FGF8: variants seen among roughly 807,000 people sequenced by gnomAD.
The protein encoded by FGF8 is androgen-induced growth factor.
FGF8 carries 12 observed loss-of-function variants against 29.7 expected under a neutral mutation model. The ratio of observed to expected loss-of-function variants is 0.40; its 90% CI spans 0.26 to 0.65. The LOEUF is 0.65. FGF8 is among the 30% of genes least tolerant of loss of function. The pLI, the probability that FGF8 is intolerant of heterozygous loss-of-function variation, is 0.37. For missense variants in FGF8, 271 were observed against 345.1 expected (o/e 0.79, Z 1.70); for synonymous variants, 157 against 144.4 (o/e 1.09, Z -0.63).
chr10:101,776,624 C>T (rs1158263238), upstream of FGF8, among the ~76,000 whole-genome samples: 1 of 152,002 alleles, frequency 6.6e-6, no homozygotes. Flanking sequence ...CTGTGTGTCC[C>T]GCCGGGCCCC....
intron 5 of FGF8, 24 bp from the exon 6 acceptor site, chr10:101,770,643 C>G: frequency 6.2e-7 from 1 of 1,604,260 alleles, no homozygotes; most frequent in Non-Finnish European, 8.5e-7. Context: ...AGCCAGACAC[C>G]ACGTTACAGA....
upstream of FGF8, among the ~76,000 whole-genome samples, chr10:101,777,993 C>T (rs973762043): frequency 1.3e-5 from 2 of 152,318 alleles, no homozygotes; most frequent in African/African-American, 4.8e-5. Context: ...CACAAGTGGC[C>T]ACAGCCCAGG....
upstream of FGF8, among the ~76,000 whole-genome samples, chr10:101,780,006 C>T (rs2065130287): frequency 6.6e-6 from 1 of 152,250 alleles, no homozygotes; most frequent in African/African-American, 2.4e-5. Context: ...CGCCCGGAGC[C>T]TCTAGAGGCC....
upstream of FGF8, among the ~76,000 whole-genome samples, chr10:101,776,563 C>T (rs2065097829): frequency 6.6e-6 from 1 of 151,998 alleles, no homozygotes; most frequent in South Asian, 2.1e-4. Context: ...TCTCCGCCTC[C>T]GGGCCCAGCC....
chr10:101,779,984 C>T (rs1162708227), upstream of FGF8, among the ~76,000 whole-genome samples: 1 of 152,222 alleles, frequency 6.6e-6, no homozygotes, highest in African/African-American at 2.4e-5. This position sits in a 1 kb window ranked among gnomAD's most constrained non-coding sequence, Gnocchi z 5.7. Context: ...GAGGCCCCGG[C>T]CCCACGGCGC....
At chr10:101,774,318 C>A (rs2065060570) in intron 4 of FGF8, among the ~76,000 whole-genome samples, 1 of 152,200 alleles carries the variant, frequency 6.6e-6, no homozygotes, top group Non-Finnish European at 1.5e-5. Flanking sequence ...GGGTTCCCAG[C>A]AACCTCCTTT....
upstream of FGF8, among the ~76,000 whole-genome samples, chr10:101,778,996 AACACAAACACACACACGCACAG>A (rs2065118678): frequency 1.3e-5 from 2 of 152,100 alleles, no homozygotes; most frequent in African/African-American, 2.4e-5. Flanking sequence ...ACACTCCGCA[AACACAAACACACACACGCACAG>A]ACACAAACTC....
chr10:101,779,320 C>T (rs2065124043), upstream of FGF8, among the ~76,000 whole-genome samples: 1 of 152,256 alleles, frequency 6.6e-6, no homozygotes, highest in South Asian at 2.1e-4. This position sits in a 1 kb window ranked among gnomAD's most constrained non-coding sequence, Gnocchi z 5.7. Flanking sequence ...AGTCGTCTCC[C>T]TCGGCCCCCA....
At chr10:101,777,925 T>TG (rs3218224), upstream of FGF8, among the ~76,000 whole-genome samples, 8,269 of 152,302 alleles carry the variant, frequency 0.054, 238 homozygotes, top group Middle Eastern at 0.1. Flanking sequence ...TGGCAGGCAC[T>TG]GTCTCCTCTA....
chr10:101,771,707 C>G lies in FGF8; in HGVS notation c.338-138G>C. 2.7e-6 allele frequency: 2 copies of G among 731,820 alleles called. No individual in the cohort carries two copies. The highest frequency in any genetic ancestry group is 4.9e-6 in the Non-Finnish European group (2 of 410,534). The allele number at this position is 731,820 out of a possible 1,614,324, so 45.3% of individuals were successfully genotyped here. A position where few individuals can be genotyped will look rare whatever the true frequency, so the allele number is the denominator to read the frequency against. ...ACTCCAGCTCCAGCCCAGCTACTAA[C>G]ATGCTGTGCAACCCAGAGAAAGGGC... On this transcript the variant is annotated intron_variant, in intron 4 of 5. Transcript: ENST00000320185. This position sits in a 1 kb window ranked among gnomAD's most constrained non-coding sequence, Gnocchi z 5.3.
Position 101,770,140 on chromosome 10 carries a change from T to C in FGF8, c.*189A>G. The C allele has an allele frequency of 1.9e-6, 1 of 523,846 alleles. No homozygotes were observed. Among genetic ancestry groups the C allele is most frequent in the South Asian group, 2.8e-5 (1 of 36,072 alleles). 32.4% of individuals were successfully genotyped at this position (523,846 alleles called of 1,614,324 possible). A position where few individuals can be genotyped will look rare whatever the true frequency, so the allele number is the denominator to read the frequency against. On this transcript the variant is annotated 3_prime_UTR_variant, in exon 6 of 6. Coordinates refer to ENST00000320185, the MANE Select transcript of FGF8 (RefSeq NM_033163.5). ...ACAAAAATAGAGCCTCTCTTTTGTT[T>C]TAAAAAAAAAAAAAAAAAAAAAAAC...
In FGF8 at chr10:101,770,215, C is replaced by T; in HGVS notation, c.*114G>A. On this transcript the variant is annotated 3_prime_UTR_variant, in exon 6 of 6. Coordinates refer to ENST00000320185, the MANE Select transcript of FGF8 (RefSeq NM_033163.5). ...ATCAACAACCGGAACCCAGGGCTCC[C>T]CCAGCACCTCCCCAGCCTGCAGAGC... The T allele has an allele frequency of 9.5e-7, 1 of 1,052,506 alleles. No homozygotes were observed. Among genetic ancestry groups the T allele is most frequent in the Non-Finnish European group, 1.3e-6 (1 of 748,308 alleles). The allele number at this position is 1,052,506 out of a possible 1,614,324, so 65.2% of individuals were successfully genotyped here.
chr10:101,776,907 G>T (rs1486682683), upstream of FGF8, among the ~76,000 whole-genome samples: 1 of 148,818 alleles, frequency 6.7e-6, no homozygotes, highest in Non-Finnish European at 1.5e-5. Context: ...CCTGAAGCTT[G>T]AGGAGCACCC....
chr10:101,770,286 A>C lies in FGF8; in HGVS notation c.*43T>G. ...TGAGTTTTGGGTGCCCTACAGGATG[A>C]GCCTCTCTGCGGTCTGGCATTGTGG... On this transcript the variant is annotated 3_prime_UTR_variant, in exon 6 of 6. Transcript: ENST00000320185. 6.5e-7 allele frequency: 1 copy of C among 1,536,228 alleles called. No homozygotes were observed. The highest frequency in any genetic ancestry group is 8.8e-7 in the Non-Finnish European group (1 of 1,137,726).
chr10:101,771,403 C>T lies in FGF8; in HGVS notation c.444+60G>A. The T allele has an allele frequency of 7.6e-7, 1 of 1,317,710 alleles. No homozygotes were observed. Among genetic ancestry groups the T allele is most frequent in the Non-Finnish European group, 1.1e-6 (1 of 911,392 alleles). 81.6% of individuals were successfully genotyped at this position (1,317,710 alleles called of 1,614,324 possible). On this transcript the variant is annotated intron_variant, in intron 5 of 5. Transcript: ENST00000320185. This position sits in a 1 kb window ranked among gnomAD's most constrained non-coding sequence, Gnocchi z 5.3. Reference sequence around the variant, plus strand: ...GAGCCCAGGACTGTCTTGGAGGAGTCCAGCCAGCCCAAGCCACTCCCTAGG... The same window carrying T: ...GAGCCCAGGACTGTCTTGGAGGAGTTCAGCCAGCCCAAGCCACTCCCTAGG...
Position 101,775,301 on chromosome 10 carries a change from TGA to T in FGF8, c.70-87_70-86del, listed in dbSNP as rs2135000984. ...AAAGACAAATTTACGGAGCAAATGT[TGA>T]GAGTGCAGGGAACCTGGGCACCCGA... On this transcript the variant is annotated intron_variant, in intron 2 of 5. Coordinates refer to ENST00000320185, the MANE Select transcript of FGF8 (RefSeq NM_033163.5). The surrounding 1 kb of genome is among the most constrained non-coding windows in gnomAD (Gnocchi z 4.6). The T allele has an allele frequency of 9.8e-7, 1 of 1,017,998 alleles. No individual in the cohort carries two copies. The allele number at this position is 1,017,998 out of a possible 1,614,324, so 63.1% of individuals were successfully genotyped here.
chr10:101,775,933 G>T lies in FGF8; in HGVS notation c.-33C>A, dbSNP rs2065085528. The T allele has an allele frequency of 1.7e-6, 2 of 1,197,526 alleles. No individual in the cohort carries two copies. The highest frequency in any genetic ancestry group is 8.2e-5 in the South Asian group (2 of 24,414). The allele number at this position is 1,197,526 out of a possible 1,614,324, so 74.2% of individuals were successfully genotyped here. A position where few individuals can be genotyped will look rare whatever the true frequency, so the allele number is the denominator to read the frequency against. On this transcript the variant is annotated 5_prime_UTR_variant, in exon 1 of 6. Coordinates refer to ENST00000320185, the MANE Select transcript of FGF8 (RefSeq NM_033163.5). This position sits in a 1 kb window ranked among gnomAD's most constrained non-coding sequence, Gnocchi z 4.6. ...GGCCCCGGGGCACCGAGAGCCCGGC[G>T]GGTCACGCCGTCCCGCGGGCCGCCG...
upstream of FGF8, among the ~76,000 whole-genome samples, chr10:101,779,544 G>C (rs926640112): frequency 2.6e-5 from 4 of 152,346 alleles, no homozygotes; most frequent in Admixed American, 2.0e-4. This position sits in a 1 kb window ranked among gnomAD's most constrained non-coding sequence, Gnocchi z 5.7. Flanking sequence ...CTCTTGGGCC[G>C]AGAGGCTGAT....
upstream of FGF8, among the ~76,000 whole-genome samples, chr10:101,779,739 G>A (rs539618230): frequency 6.6e-6 from 1 of 152,288 alleles, no homozygotes; most frequent in Non-Finnish European, 1.5e-5. The surrounding 1 kb of genome is among the most constrained non-coding windows in gnomAD (Gnocchi z 5.7). Flanking sequence ...GGCCTCCCAG[G>A]AGAGAGGACT....
Sources: allele counts gnomAD v4.1 joint callset (sites outside exome capture counted in the v4.1 genomes callset), GRCh38; gene constraint gnomAD v4.1.1; non-coding constraint Gnocchi (gnomAD v3.1); transcripts MANE v1.5; gene names NCBI Gene and HGNC (gene_info 2026-07-23, HGNC 2026-07-21).